The following CXorf58 variants were observed in gnomAD, a reference collection of about 807,000 sequenced individuals.
The protein encoded by CXorf58 is chromosome X open reading frame 58, also known as uncharacterized protein CXorf58.
In CXorf58, 24 loss-of-function variants were observed where a neutral mutation model predicts 26.0. That is an observed-to-expected ratio of 0.92 (90% confidence interval 0.67 to 1.30). The LOEUF (loss-of-function observed/expected upper bound fraction) is 1.30. Ranked by LOEUF, CXorf58 falls within the 50% of genes most tolerant of loss-of-function variation. The pLI, the probability that CXorf58 is intolerant of heterozygous loss-of-function variation, is 0.00. For synonymous variants in CXorf58, 87 were observed against 86.1 expected (o/e 1.01, Z -0.06); for missense variants, 236 against 263.9 (o/e 0.89, Z 0.73).
intron 4 of CXorf58, 60 bp from the exon 5 acceptor site, chrX:23,916,157 G>A (rs1423156080): frequency 3.0e-6 from 2 of 666,504 alleles, no homozygotes; most frequent in Non-Finnish European, 4.7e-6. Context: ...AGTATAAGGG[G>A]GAAAAGCAAC....
intron 5 of CXorf58, among the ~76,000 whole-genome samples, chrX:23,916,801 A>T (rs2147067069): frequency 9.2e-6 from 1 of 108,608 alleles, no homozygotes; most frequent in South Asian, 4.1e-4. Flanking sequence ...GAGGCAGGAG[A>T]ATCACTTGAA....
chrX:23,909,387 A>T (rs778350192), intron 1 of CXorf58, among the ~76,000 whole-genome samples: 2 of 111,932 alleles, frequency 1.8e-5, no homozygotes, highest in Non-Finnish European at 3.8e-5. Flanking sequence ...TTTTCATGTT[A>T]CATTGCAGTC....
At chrX:23,938,813 C>T (rs1444003458) in intron 8 of CXorf58, 113 bp downstream of exon 8, 3 of 490,048 alleles carry the variant, frequency 6.1e-6, no homozygotes, top group Non-Finnish European at 9.9e-6. Context: ...GGCTGAAACA[C>T]ATTTGACACA....
chrX:23,926,777 T>A (rs761844478), intron 5 of CXorf58, among the ~76,000 whole-genome samples: 66 of 112,344 alleles, frequency 5.9e-4, no homozygotes, highest in Non-Finnish European at 1.1e-3. Context: ...TCCCGCACTT[T>A]GGGAGGCCGA....
At chrX:23,907,960 C>G (rs1927452614), upstream of CXorf58, 2 of 315,234 alleles carry the variant, frequency 6.3e-6, no homozygotes, top group Non-Finnish European at 1.1e-5. Flanking sequence ...GGAGGCTCCG[C>G]CCCTGCGCCG....
chrX:23,919,860 T>C (rs1927819272), intron 5 of CXorf58, among the ~76,000 whole-genome samples: 2 of 113,215 alleles, frequency 1.8e-5, no homozygotes, highest in South Asian at 7.1e-4. Flanking sequence ...ATATCTGCAT[T>C]AGGGGGCACC....
Position 23,927,376 on chromosome X carries a change from G to T in CXorf58, c.555+6G>T. 1 of 1,116,157 alleles carries T rather than the reference G, an allele frequency of 9.0e-7. No individual in the cohort carries two copies. The highest frequency in any genetic ancestry group is 1.2e-6 in the Non-Finnish European group (1 of 843,432). The allele number at this position is 1,116,157 out of a possible 1,213,427, so 92.0% of individuals were successfully genotyped here. A position where few individuals can be genotyped will look rare whatever the true frequency, so the allele number is the denominator to read the frequency against. On this transcript the variant is annotated splice_donor_region_variant and intron_variant, in intron 6 of 8. Coordinates refer to ENST00000379211, the MANE Select transcript of CXorf58 (RefSeq NM_152761.3). ...CCATGCAAGATTATGTACAAGTAAG[G>T]AATTTAGATTTAGAAAAACAAACAA...
At chrX:23,912,534 A>G (rs958353461) in intron 3 of CXorf58, among the ~76,000 whole-genome samples, 7 of 111,171 alleles carry the variant, frequency 6.3e-5, no homozygotes, top group African/African-American at 2.3e-4. Context: ...AGGGAGGGCC[A>G]GGAGTTCGAG....
intron 5 of CXorf58, among the ~76,000 whole-genome samples, chrX:23,917,710 A>G (rs113757877): frequency 0.09 from 10,042 of 112,173 alleles, 981 homozygotes; most frequent in African/African-American, 0.29. Context: ...GAGCCACCAC[A>G]CCTGGCACTC....
At chrX:23,913,981 G>A (rs1927652021) in intron 3 of CXorf58, among the ~76,000 whole-genome samples, 1 of 111,674 alleles carries the variant, frequency 9.0e-6, no homozygotes. Flanking sequence ...TATAATGCTG[G>A]TTTCATAGTA....
intron 6 of CXorf58, among the ~76,000 whole-genome samples, chrX:23,934,388 A>G (rs184529706): frequency 5.5e-4 from 61 of 110,997 alleles, no homozygotes; most frequent in African/African-American, 2.0e-3. Flanking sequence ...AAAACATTTT[A>G]GAGCACCCAC....
In CXorf58 at chrX:23,938,617, C is replaced by T. The variant is rs764120865; in HGVS notation, c.856C>T (p.Arg286Cys). ...GCAAAATCAAGTTAAATTTCTGGGT[C>T]GTCGATCCAAGCAAGCTCAAATGAA... ...KQQNQVKFLG[R>C]RSKQAQMKVE... is the part of the protein sequence containing the mutation. The change falls in exon 8 of 9, where the codon CGT becomes TGT. Residue 286 changes from arginine to cysteine, a missense_variant. By Grantham distance (180) the Arg-to-Cys change is radical. Coordinates refer to ENST00000379211, the MANE Select transcript of CXorf58 (RefSeq NM_152761.3). 7 of 1,192,929 alleles carry T rather than the reference C, an allele frequency of 5.9e-6. No homozygotes were observed. The highest frequency in any genetic ancestry group is 2.3e-4 in the Middle Eastern group (1 of 4,266).
chrX:23,913,024 T>C (rs1025232558), intron 3 of CXorf58, among the ~76,000 whole-genome samples: 4 of 109,573 alleles, frequency 3.7e-5, no homozygotes, highest in Non-Finnish European at 7.6e-5. Flanking sequence ...AGCATGATCC[T>C]ACTTGAGTGA....
Position 23,929,595 on chromosome X carries a change from G to A in CXorf58, c.555+2225G>A, listed in dbSNP as rs749344986. 1.8e-4 allele frequency among the ~76,000 whole-genome samples: 20 copies of A among 111,633 alleles called. No homozygotes were observed. In the South Asian group the frequency reaches 7.0e-3, roughly 39 times the overall value. ...TTCGTGAAGTTTAGGGAAAGAAGCC[G>A]TCTTTATAACATAAAAGTGCAAGGT... On this transcript the variant is annotated intron_variant, in intron 6 of 8. Transcript: ENST00000379211.
At chrX:23,911,717 A>T in intron 2 of CXorf58, 40 bp from the exon 3 acceptor site, 2 of 965,732 alleles carry the variant, frequency 2.1e-6, no homozygotes, top group East Asian at 6.2e-5. Flanking sequence ...TAGGAAAATG[A>T]AAACTACTTT....
At chrX:23,936,659 C>T (rs968309994) in intron 7 of CXorf58, among the ~76,000 whole-genome samples, 6 of 111,948 alleles carry the variant, frequency 5.4e-5, no homozygotes, top group Non-Finnish European at 1.1e-4. Context: ...GAAAAATACT[C>T]CCTTTGTACA....
At chrX:23,914,593 T>G (rs781035552) in intron 3 of CXorf58, among the ~76,000 whole-genome samples, 32 of 111,747 alleles carry the variant, frequency 2.9e-4, no homozygotes, top group Non-Finnish European at 5.6e-4. Flanking sequence ...CGTGATAATA[T>G]TCTCATAATG....
intron 3 of CXorf58, among the ~76,000 whole-genome samples, chrX:23,913,050 A>G (rs1408204318): frequency 9.0e-6 from 1 of 111,066 alleles, no homozygotes; most frequent in East Asian, 2.8e-4. Flanking sequence ...AAAACCAAAA[A>G]AAAAAGGTGC....
chrX:23,916,905 A>G (rs1927742862), intron 5 of CXorf58, among the ~76,000 whole-genome samples: 1 of 109,938 alleles, frequency 9.1e-6, no homozygotes, highest in African/African-American at 3.3e-5. Context: ...AAAAAAAAAG[A>G]CTAAAATTGG....
Sources: gnomAD v4.1 joint callset for allele counts (sites outside exome capture counted in the v4.1 genomes callset) on GRCh38, gnomAD v4.1.1 for gene constraint, MANE v1.5 for transcripts, NCBI Gene and HGNC (gene_info 2026-07-23, HGNC 2026-07-21) for gene names.